COL15A1: variants seen among roughly 807,000 people sequenced by gnomAD.
COL15A1 encodes the protein collagen type XV alpha 1 chain.
In COL15A1, 111 loss-of-function variants were observed where a neutral mutation model predicts 165.9. That is an observed-to-expected ratio of 0.67 (90% confidence interval 0.57 to 0.78). The LOEUF (loss-of-function observed/expected upper bound fraction) is 0.78. Among genes scored for constraint, COL15A1 ranks in the 30% least tolerant of loss-of-function variants. The pLI is 0.00. For synonymous variants in COL15A1, 659 were observed against 674.8 expected (o/e 0.98, Z 0.36); for missense variants, 1,745 against 1,789.7 (o/e 0.98, Z 0.45).
chr9:99,045,386 C>T (rs1186674325), intron 26 of COL15A1, among the ~76,000 whole-genome samples: 2 of 152,232 alleles, frequency 1.3e-5, no homozygotes, highest in African/African-American at 2.4e-5. Flanking sequence ...CCTCTTCTCT[C>T]TCTGGGCTCC....
At chr9:98,991,497 T>C (rs552755200) in intron 5 of COL15A1, among the ~76,000 whole-genome samples, 5 of 152,290 alleles carry the variant, frequency 3.3e-5, no homozygotes, top group East Asian at 3.9e-4. Flanking sequence ...AGAGCACTGA[T>C]TGGTGCATTT....
chr9:99,069,219 A>G (rs557421838), intron 41 of COL15A1, among the ~76,000 whole-genome samples: 2 of 151,480 alleles, frequency 1.3e-5, no homozygotes, highest in South Asian at 2.1e-4. Flanking sequence ...GAGGAAATAG[A>G]CACACACTAA....
At position 99,062,051 on chromosome 9, in the gene COL15A1, C is replaced by T. The variant is rs1825824095; in HGVS notation, c.3483C>T (p.Asp1161=). 1.2e-6 allele frequency: 2 copies of T among 1,614,100 alleles called. No homozygotes were observed. Among genetic ancestry groups the T allele is most frequent in the Non-Finnish European group, 1.7e-6 (2 of 1,179,974 alleles). Residue 1161 remains aspartate, a synonymous_variant, in exon 37 of 42, where the codon GAC becomes GAT. Coordinates refer to ENST00000375001, the MANE Select transcript of COL15A1 (RefSeq NM_001855.5). The part of the protein sequence containing the change: ...VIEGTFIYLR[D]STEFFIRVRD... ...AAGGAACATTCATCTACCTGAGGGA[C>T]AGCACTGAGTTTTTCATTCGTGTTA... is the stretch of plus-strand genomic sequence containing the variant.
At chr9:99,000,734 C>T in intron 6 of COL15A1, 105 bp from the exon 7 acceptor site, 1 of 707,332 alleles carries the variant, frequency 1.4e-6, no homozygotes, top group Non-Finnish European at 2.5e-6. Context: ...GACCCTGTGT[C>T]ATGGTATCTG....
chr9:99,020,350 A>C, intron 11 of COL15A1, 39 bp from the exon 12 acceptor site: 1 of 1,497,412 alleles, frequency 6.7e-7, no homozygotes, highest in Non-Finnish European at 9.3e-7. Flanking sequence ...TGTCCCAAAT[A>C]TGTTGTGGCC....
At chr9:98,971,313 A>G (rs1373656232) in intron 2 of COL15A1, among the ~76,000 whole-genome samples, 1 of 151,506 alleles carries the variant, frequency 6.6e-6, no homozygotes, top group Non-Finnish European at 1.5e-5. Context: ...GCCATTTTCC[A>G]TGTGTTTTCC....
intron 16 of COL15A1, among the ~76,000 whole-genome samples, chr9:99,027,374 A>C (rs530635219): frequency 3.3e-5 from 5 of 152,332 alleles, no homozygotes; most frequent in Admixed American, 2.0e-4. Context: ...TGTTTATTTT[A>C]ATTGGAACCA....
chr9:98,985,761 C>T lies in COL15A1; in HGVS notation c.297C>T (p.Pro99=), dbSNP rs1838300187. ...TCGCCATCAGCGTCGTGGTGAAGCC[C>T]AGCAGCACCCGTGGTGGCGTGCTCT... ...RDFAISVVVK[P]SSTRGGVLFA... is the part of the protein sequence containing the mutation. The change falls in exon 3 of 42, where the codon CCC becomes CCT. Residue 99 remains proline, a synonymous_variant. Coordinates refer to ENST00000375001, the MANE Select transcript of COL15A1 (RefSeq NM_001855.5). 1.2e-6 allele frequency: 2 copies of T among 1,614,128 alleles called. No individual in the cohort carries two copies. Among genetic ancestry groups the T allele is most frequent in the East Asian group, 4.5e-5 (2 of 44,892 alleles).
At chr9:98,983,197 T>C (rs1838257880) in intron 2 of COL15A1, among the ~76,000 whole-genome samples, 2 of 152,270 alleles carry the variant, frequency 1.3e-5, no homozygotes, top group South Asian at 4.1e-4. Context: ...CTGTGAGTGT[T>C]GCGGAGTTGA....
chr9:99,056,216 A>T (rs1342114380), intron 34 of COL15A1, 44 bp from the exon 35 acceptor site: 2 of 1,597,066 alleles, frequency 1.3e-6, no homozygotes, highest in Middle Eastern at 1.7e-4. Flanking sequence ...ACTTCGAGTG[A>T]TGAATGATGC....
intron 2 of COL15A1, among the ~76,000 whole-genome samples, chr9:98,981,255 C>T (rs1490667516): frequency 2.0e-5 from 3 of 152,078 alleles, no homozygotes; most frequent in Admixed American, 6.5e-5. Context: ...GTCAGGAGTT[C>T]GAGACTAGCC....
chr9:99,015,686 G>A, intron 10 of COL15A1, 120 bp downstream of exon 10: 1 of 952,014 alleles, frequency 1.1e-6, no homozygotes, highest in South Asian at 1.6e-5. Context: ...CACATGTCTG[G>A]GTGGGCAGCT....
chr9:99,049,658 A>T, intron 28 of COL15A1, 32 bp from the exon 29 acceptor site: 1 of 1,611,836 alleles, frequency 6.2e-7, no homozygotes, highest in South Asian at 1.1e-5. Context: ...AACAACCTGA[A>T]CTAATGGAAT....
At chr9:98,990,247 T>G (rs571880739) in intron 5 of COL15A1, among the ~76,000 whole-genome samples, 2 of 152,230 alleles carry the variant, frequency 1.3e-5, no homozygotes, top group African/African-American at 4.8e-5. Flanking sequence ...AAGGCCCAGA[T>G]AGGGGAAGAC....
chr9:98,960,456 CAGACCCACAACATCAGATCT>C (rs1325907120), intron 2 of COL15A1, among the ~76,000 whole-genome samples: 1 of 152,156 alleles, frequency 6.6e-6, no homozygotes, highest in Non-Finnish European at 1.5e-5. Flanking sequence ...AATCCTGCCT[CAGACCCACAACATCAGATCT>C]AGACCCACAG....
Position 99,069,670 on chromosome 9 carries a change from T to C in COL15A1, c.3954-3T>C, listed in dbSNP as rs1456240241. The C allele has an allele frequency of 6.3e-7, 1 of 1,591,284 alleles. No homozygotes were observed. The highest frequency in any genetic ancestry group is 2.3e-5 in the East Asian group (1 of 44,318). ...AAAATAACATGACAAAATTACTTTATAGGCCCCAGAAAGTCATTTGGCATG... is the reference window on the plus strand; with the variant it reads ...AAAATAACATGACAAAATTACTTTACAGGCCCCAGAAAGTCATTTGGCATG... On this transcript the variant is annotated splice_region_variant and splice_polypyrimidine_tract_variant and intron_variant, in intron 41 of 41. Coordinates refer to ENST00000375001, the MANE Select transcript of COL15A1 (RefSeq NM_001855.5).
intron 14 of COL15A1, among the ~76,000 whole-genome samples, chr9:99,024,492 G>T (rs1270039875): frequency 2.0e-5 from 3 of 152,034 alleles, no homozygotes; most frequent in African/African-American, 7.2e-5. Context: ...CACCATGTTA[G>T]CTGGGGTGGT....
chr9:99,044,414 G>A (rs1369541176), intron 24 of COL15A1, among the ~76,000 whole-genome samples, 154 bp from the exon 25 acceptor site: 1 of 152,108 alleles, frequency 6.6e-6, no homozygotes, highest in East Asian at 1.9e-4. Flanking sequence ...GAGCAGTGGG[G>A]TTTCAAGTAG....
At chr9:99,063,308 G>T (rs926701760) in intron 39 of COL15A1, among the ~76,000 whole-genome samples, 199 bp downstream of exon 39, 1 of 152,092 alleles carries the variant, frequency 6.6e-6, no homozygotes, top group East Asian at 1.9e-4. Context: ...GTATAAGGGA[G>T]GGCAGAGACG....
Sources: gnomAD v4.1 joint callset for allele counts (sites outside exome capture counted in the v4.1 genomes callset) on GRCh38, gnomAD v4.1.1 for gene constraint, MANE v1.5 for transcripts, NCBI Gene and HGNC (gene_info 2026-07-23, HGNC 2026-07-21) for gene names.